The following C20orf203 variants were observed in gnomAD, a reference collection of about 807,000 sequenced individuals.
The protein encoded by C20orf203 is chromosome 20 open reading frame 203, also known as uncharacterized protein C20orf203.
A neutral mutation model predicts 15.9 loss-of-function variants in C20orf203; 16 were observed. The ratio of observed to expected loss-of-function variants is 1.01; its 90% CI spans 0.68 to 1.53. The LOEUF (loss-of-function observed/expected upper bound fraction) is 1.53. Ranked by LOEUF, C20orf203 falls within the 40% of genes most tolerant of loss-of-function variation. The pLI, the probability that C20orf203 is intolerant of heterozygous loss-of-function variation, is 0.00. For synonymous variants in C20orf203, 98 were observed against 97.2 expected, an observed-to-expected ratio of 1.01 and a Z score of -0.05; for missense variants, 263 against 247.5, an observed-to-expected ratio of 1.06 and a Z score of -0.42.
chr20:32,667,284 C>G (rs535689071), intron 1 of C20orf203, among the ~76,000 whole-genome samples: 1 of 152,340 alleles, frequency 6.6e-6, no homozygotes, highest in South Asian at 2.1e-4. Context: ...TGACTACTTA[C>G]TGTCTTTGAA....
chr20:32,663,392 A>T (rs1982942691), intron 1 of C20orf203, among the ~76,000 whole-genome samples: 5 of 152,176 alleles, frequency 3.3e-5, no homozygotes, highest in Admixed American at 3.3e-4. Context: ...ATAACTTTAA[A>T]GAAAATGTTA....
In C20orf203 at chr20:32,648,743, C is replaced by T. The variant is rs147427244; in HGVS notation, c.*1177+512G>A. Among the ~76,000 whole-genome samples, 26 of 152,074 alleles carry T rather than the reference C, an allele frequency of 1.7e-4. No homozygotes were observed. The East Asian group carries it at 3.9e-3, about 23-fold the overall frequency. ...CTGGGATTACAGGTGTGAGCCACTG[C>T]GCTGGGCCAATAAACTTTCTTTAGG... is the stretch of plus-strand genomic sequence containing the variant. On this transcript the variant is annotated intron_variant, in intron 4 of 5. Transcript: ENST00000608990.
chr20:32,659,089 C>A (rs1370813661), intron 1 of C20orf203, among the ~76,000 whole-genome samples: 1 of 152,008 alleles, frequency 6.6e-6, no homozygotes. Context: ...GTTGGTCAGG[C>A]TGGTCTCAAA....
rs1982042025 is a variant in C20orf203, at chr20:32,632,995, G to A, written c.*2575C>T. On this transcript the variant is annotated 3_prime_UTR_variant, in exon 6 of 6. Coordinates refer to ENST00000608990, the MANE Select transcript of C20orf203 (RefSeq NM_182584.4). ...AGAGTGATACTGAGCAAAGGGGGAA[G>A]CTGCTTATAAAACCATCAGATCTCG... 6.6e-6 allele frequency: 1 copy of A among 152,262 alleles called. No individual in the cohort carries two copies. Among genetic ancestry groups the A allele is most frequent in the South Asian group, 2.1e-4 (1 of 4,832 alleles). 9.4% of individuals were successfully genotyped at this position (152,262 alleles called of 1,614,324 possible). A position where few individuals can be genotyped will look rare whatever the true frequency, so the allele number is the denominator to read the frequency against.
chr20:32,666,965 A>G (rs957264790), intron 1 of C20orf203, among the ~76,000 whole-genome samples: 2 of 151,260 alleles, frequency 1.3e-5, no homozygotes, highest in Admixed American at 1.3e-4. Flanking sequence ...ATTTTATATA[A>G]TCCAATGTAA....
rs1455259926 is a variant in C20orf203 at position 32,634,076 on chromosome 20, T to TTC, written c.*1493_*1494insGA. 11 of 398,462 alleles carry TTC rather than the reference T, an allele frequency of 2.8e-5. No individual in the cohort carries two copies. Among genetic ancestry groups the TTC allele is most frequent in the Non-Finnish European group, 4.9e-5 (11 of 226,114 alleles). The allele number at this position is 398,462 out of a possible 1,614,324, so 24.7% of individuals were successfully genotyped here. On this transcript the variant is annotated 3_prime_UTR_variant, in exon 6 of 6. Coordinates refer to ENST00000608990, the MANE Select transcript of C20orf203 (RefSeq NM_182584.4). ...CCGGTGTTGGGAATTCCGAGATGAA[T>TTC]CCAGCCTGAGCTTTGTCCTTGGGGG...
intron 4 of C20orf203, among the ~76,000 whole-genome samples, chr20:32,645,679 C>A (rs756512221): frequency 1.3e-5 from 2 of 152,236 alleles, no homozygotes; most frequent in African/African-American, 2.4e-5. Context: ...TCAAGCCCTC[C>A]GAGCTTTTCC....
intron 1 of C20orf203, among the ~76,000 whole-genome samples, chr20:32,671,971 G>A (rs150111407): frequency 2.0e-5 from 3 of 152,048 alleles, no homozygotes; most frequent in African/African-American, 4.8e-5. Flanking sequence ...ATGTCCGGAG[G>A]TCTTCTGCAC....
At chr20:32,666,762 CAA>C (rs375016307) in intron 1 of C20orf203, among the ~76,000 whole-genome samples, 18,354 of 59,516 alleles carry the variant, frequency 0.31, 2,334 homozygotes, top group Middle Eastern at 0.38. Context: ...GACTCCATCT[CAA>C]AAAAAAAAAA....
intron 1 of C20orf203, among the ~76,000 whole-genome samples, chr20:32,671,940 G>A (rs1194950765): frequency 6.6e-6 from 1 of 151,738 alleles, no homozygotes; most frequent in Admixed American, 6.6e-5. Context: ...TGGGTATAGA[G>A]TTTCAGTCAC....
intron 1 of C20orf203, among the ~76,000 whole-genome samples, chr20:32,668,235 T>C (rs1248540262): frequency 6.6e-6 from 1 of 152,132 alleles, no homozygotes; most frequent in Non-Finnish European, 1.5e-5. Context: ...TTGCCACTGT[T>C]ATTAACCTAC....
chr20:32,642,940 CTG>C (rs1449479486), intron 4 of C20orf203, among the ~76,000 whole-genome samples: 2 of 152,158 alleles, frequency 1.3e-5, no homozygotes, highest in African/African-American at 4.8e-5. Flanking sequence ...GACCCTAAGG[CTG>C]TGTCTTGGTG....
At chr20:32,666,006 G>A (rs908794696) in intron 1 of C20orf203, among the ~76,000 whole-genome samples, 3 of 151,674 alleles carry the variant, frequency 2.0e-5, no homozygotes, top group Admixed American at 2.0e-4. Context: ...GCTGGCGCAT[G>A]CCTGTAGTCC....
chr20:32,636,429 G>A (rs1157685470), intron 5 of C20orf203, among the ~76,000 whole-genome samples: 6 of 152,118 alleles, frequency 3.9e-5, no homozygotes, highest in African/African-American at 1.2e-4. Context: ...GCAAGGACAC[G>A]GCGCTGCTCC....
chr20:32,673,455 C>T (rs1983223931), intron 1 of C20orf203, among the ~76,000 whole-genome samples, 177 bp downstream of exon 1: 1 of 152,212 alleles, frequency 6.6e-6, no homozygotes, highest in Non-Finnish European at 1.5e-5. Context: ...CACCGCAGCC[C>T]CGTGGGCACA....
chr20:32,660,213 G>A (rs1354535793), intron 1 of C20orf203, among the ~76,000 whole-genome samples: 2 of 152,086 alleles, frequency 1.3e-5, no homozygotes, highest in African/African-American at 2.4e-5. Flanking sequence ...GGAGGTTGGG[G>A]GGCAGCTCTC....
chr20:32,639,651 C>G (rs974396126), intron 5 of C20orf203, among the ~76,000 whole-genome samples: 1 of 149,596 alleles, frequency 6.7e-6, no homozygotes, highest in African/African-American at 2.4e-5. Context: ...AAAAAGTCAC[C>G]GTGAGGATTA....
At chr20:32,644,381 A>G (rs1189467090) in intron 4 of C20orf203, among the ~76,000 whole-genome samples, 4 of 152,088 alleles carry the variant, frequency 2.6e-5, no homozygotes, top group African/African-American at 9.7e-5. Context: ...CCTGGAGGAA[A>G]AGATTGCAGT....
rs1247545380 is a variant in C20orf203, at chr20:32,654,276, T to C, written c.-263-2295A>G. On this transcript the variant is annotated intron_variant, in intron 1 of 5. Transcript: ENST00000608990. ...ACTAGCATCAAAGAGAATAAAATGC[T>C]TAGGAATAAAAGAAGTACAAAACTT... is the stretch of plus-strand genomic sequence containing the variant. Among the ~76,000 whole-genome samples the C allele has an allele frequency of 5.3e-5, 8 of 152,218 alleles. No homozygotes were observed. In the East Asian group the frequency reaches 1.5e-3, roughly 29 times the overall value.
Sources: gnomAD v4.1 joint callset for allele counts (sites outside exome capture counted in the v4.1 genomes callset) on GRCh38, gnomAD v4.1.1 for gene constraint, MANE v1.5 for transcripts, NCBI Gene and HGNC (gene_info 2026-07-23, HGNC 2026-07-21) for gene names.